The following COLEC12 variants were observed in gnomAD, a reference collection of about 807,000 sequenced individuals.
COLEC12 encodes the protein collectin-12.
COLEC12 carries 33 observed loss-of-function variants against 71.1 expected under a neutral mutation model. The ratio of observed to expected loss-of-function variants is 0.46; its 90% CI spans 0.35 to 0.62. The LOEUF (loss-of-function observed/expected upper bound fraction) is 0.62, where lower values mean the gene tolerates loss of function less well. Among genes scored for constraint, COLEC12 ranks in the 20% least tolerant of loss-of-function variants. The pLI is 0.00. For synonymous variants in COLEC12, 350 were observed against 353.0 expected, an observed-to-expected ratio of 0.99 and a Z score of 0.10; for missense variants, 765 against 916.1, an observed-to-expected ratio of 0.84 and a Z score of 2.13.
intron 2 of COLEC12, among the ~76,000 whole-genome samples, chr18:446,890 C>T (rs1236278072): frequency 6.6e-6 from 1 of 152,214 alleles, no homozygotes; most frequent in African/African-American, 2.4e-5. Flanking sequence ...TCCTGAGGCA[C>T]ATAAATACAT....
intron 2 of COLEC12, among the ~76,000 whole-genome samples, chr18:434,460 T>C (rs973453395): frequency 1.3e-5 from 2 of 152,242 alleles, no homozygotes; most frequent in Non-Finnish European, 1.5e-5. Context: ...TTTGCTTCCA[T>C]ATGAACTAGA....
intron 3 of COLEC12, among the ~76,000 whole-genome samples, chr18:355,128 T>C (rs540259644): frequency 2.6e-5 from 4 of 152,068 alleles, no homozygotes; most frequent in African/African-American, 4.8e-5. Flanking sequence ...TCCTGGGCAA[T>C]GGTTAAATAT....
chr18:402,911 G>A (rs1477884900), intron 2 of COLEC12, among the ~76,000 whole-genome samples: 1 of 152,106 alleles, frequency 6.6e-6, no homozygotes, highest in African/African-American at 2.4e-5. Flanking sequence ...TCCTTCAAGG[G>A]TTAAGTCACC....
intron 2 of COLEC12, among the ~76,000 whole-genome samples, chr18:373,243 C>G (rs1027076349): frequency 4.6e-5 from 7 of 152,188 alleles, no homozygotes; most frequent in African/African-American, 1.4e-4. Context: ...TAAGCTCATC[C>G]TATTTGATCA....
At chr18:487,291 A>T (rs1373650229) in intron 1 of COLEC12, among the ~76,000 whole-genome samples, 1 of 152,258 alleles carries the variant, frequency 6.6e-6, no homozygotes, top group Non-Finnish European at 1.5e-5. Flanking sequence ...TTCAGAAAGC[A>T]ATTAATGTTT....
At chr18:375,704 C>T (rs943107910) in intron 2 of COLEC12, among the ~76,000 whole-genome samples, 1 of 152,166 alleles carries the variant, frequency 6.6e-6, no homozygotes, top group Admixed American at 6.5e-5. Context: ...ATTTCATTTA[C>T]TTATGTATTT....
chr18:348,001 TA>T, intron 4 of COLEC12, 63 bp downstream of exon 4: 2 of 1,098,084 alleles, frequency 1.8e-6, no homozygotes, highest in South Asian at 1.4e-5. Context: ...AACATCATTC[TA>T]AGAAGCTGTG....
rs1215168596 is a variant in COLEC12 at position 318,422 on chromosome 18, A to G, written c.*1623T>C. 4 of 150,976 alleles carry G rather than the reference A, an allele frequency of 2.6e-5. No individual in the cohort carries two copies. The highest frequency in any genetic ancestry group is 1.3e-4 in the Admixed American group (2 of 15,156). 9.4% of individuals were successfully genotyped at this position (150,976 alleles called of 1,614,324 possible). On this transcript the variant is annotated 3_prime_UTR_variant, in exon 10 of 10. Transcript: ENST00000400256. Reference sequence around the variant, plus strand: ...AATGCCTAGTTTCAGCCCTTTTCATATTAGACTTTCCAACAGCAAGTCAAG... The same window carrying G: ...AATGCCTAGTTTCAGCCCTTTTCATGTTAGACTTTCCAACAGCAAGTCAAG...
intron 8 of COLEC12, among the ~76,000 whole-genome samples, chr18:324,378 A>G (rs1184980101): frequency 6.6e-6 from 1 of 152,216 alleles, no homozygotes; most frequent in Non-Finnish European, 1.5e-5. Flanking sequence ...TATCATACAC[A>G]TGTCACAGAA....
Position 365,515 on chromosome 18 carries a change from A to C in COLEC12, c.59-7993T>G, listed in dbSNP as rs73373581. ...TCTTTTGAAGTTCTAGTATGCTTGA[A>C]ATGAACCCCAAAAGCCAGTCTTCAA... On this transcript the variant is annotated intron_variant, in intron 2 of 9. Transcript: ENST00000400256. Among the ~76,000 whole-genome samples, 897 of 152,290 alleles carry C rather than the reference A, an allele frequency of 5.9e-3. 9 individuals are homozygous for C. Among genetic ancestry groups the C allele is most frequent in the African/African-American group, 0.021 (857 of 41,558 alleles).
At chr18:402,048 G>C (rs1307336799) in intron 2 of COLEC12, among the ~76,000 whole-genome samples, 1 of 152,126 alleles carries the variant, frequency 6.6e-6, no homozygotes, top group Non-Finnish European at 1.5e-5. Flanking sequence ...ACTTAGCATT[G>C]TTATCGGTTG....
At chr18:458,244 T>C (rs1032080324) in intron 2 of COLEC12, among the ~76,000 whole-genome samples, 3 of 152,236 alleles carry the variant, frequency 2.0e-5, no homozygotes, top group African/African-American at 4.8e-5. Flanking sequence ...AGCACTCATT[T>C]CCTAACATAC....
chr18:319,446 C>A lies in COLEC12; in HGVS notation c.*599G>T, dbSNP rs10660. On this transcript the variant is annotated 3_prime_UTR_variant, in exon 10 of 10. Coordinates refer to ENST00000400256, the MANE Select transcript of COLEC12 (RefSeq NM_130386.3). ...GGGTAGAATTAAATCTGACAGGAAA[C>A]CCTAGGAGTTTTTATTAGTACCATT... is the stretch of plus-strand genomic sequence containing the variant. 0.22 allele frequency: 31,869 copies of A among 141,876 alleles called. 3,860 individuals carry two copies. The highest frequency in any genetic ancestry group is 0.29 in the Admixed American group (4,084 of 14,002). 8.8% of individuals were successfully genotyped at this position (141,876 alleles called of 1,614,324 possible).
At chr18:477,763 C>G (rs1326369352) in intron 2 of COLEC12, among the ~76,000 whole-genome samples, 2 of 152,158 alleles carry the variant, frequency 1.3e-5, no homozygotes, top group Non-Finnish European at 2.9e-5. Flanking sequence ...TGGCAGGTGT[C>G]CCCCTGCTGG....
At chr18:397,442 T>C (rs1915594750) in intron 2 of COLEC12, among the ~76,000 whole-genome samples, 1 of 152,252 alleles carries the variant, frequency 6.6e-6, no homozygotes, top group South Asian at 2.1e-4. Flanking sequence ...ATAACAATTA[T>C]AGATGTAGAT....
chr18:323,098 A>T (rs190270661), intron 8 of COLEC12, among the ~76,000 whole-genome samples: 1 of 152,110 alleles, frequency 6.6e-6, no homozygotes, highest in South Asian at 2.1e-4. Flanking sequence ...GGTGGCAGGC[A>T]CCTGTAGTCC....
intron 3 of COLEC12, among the ~76,000 whole-genome samples, chr18:356,217 T>C (rs1598336660): frequency 6.6e-6 from 1 of 152,284 alleles, no homozygotes; most frequent in East Asian, 1.9e-4. Context: ...TTCAATTACA[T>C]CATCTTTGCT....
intron 2 of COLEC12, among the ~76,000 whole-genome samples, chr18:432,361 A>G (rs1335988771): frequency 6.6e-6 from 1 of 152,106 alleles, no homozygotes; most frequent in Non-Finnish European, 1.5e-5. Flanking sequence ...CATGGTGGAC[A>G]CTCCCGCTAG....
At chr18:322,565 C>T (rs1354077038) in intron 8 of COLEC12, among the ~76,000 whole-genome samples, 1 of 152,164 alleles carries the variant, frequency 6.6e-6, no homozygotes, top group Non-Finnish European at 1.5e-5. Context: ...TTCTTGATTA[C>T]GTTTCCACGA....
Sources: allele counts gnomAD v4.1 joint callset (sites outside exome capture counted in the v4.1 genomes callset), GRCh38; gene constraint gnomAD v4.1.1; transcripts MANE v1.5; gene names NCBI Gene and HGNC (gene_info 2026-07-23, HGNC 2026-07-21).